The following MTUS1 variants were observed in gnomAD, a reference collection of about 807,000 sequenced individuals.
MTUS1 encodes the protein microtubule associated scaffold protein 1, also known as microtubule-associated tumor suppressor 1.
A neutral mutation model predicts 120.8 loss-of-function variants in MTUS1; 109 were observed. The ratio of observed to expected loss-of-function variants is 0.90; its 90% CI spans 0.77 to 1.06. The LOEUF is 1.06. MTUS1 is among the 50% of genes least tolerant of loss of function. MTUS1 has a pLI of 0.00. For missense variants in MTUS1, 2,210 were observed against 1,486.3 expected, an observed-to-expected ratio of 1.49 and a Z score of -8.01; for synonymous variants, 737 against 550.5, an observed-to-expected ratio of 1.34 and a Z score of -4.74.
At chr8:17,729,668 T>C (rs961850322) in intron 3 of MTUS1, among the ~76,000 whole-genome samples, 2 of 152,204 alleles carry the variant, frequency 1.3e-5, no homozygotes, top group African/African-American at 4.8e-5. Context: ...TTAAATGCTA[T>C]TGCAATCTGA....
At chr8:17,715,634 A>G in intron 5 of MTUS1, 133 bp downstream of exon 5, 4 of 956,086 alleles carry the variant, frequency 4.2e-6, no homozygotes, top group Non-Finnish European at 6.1e-6. Context: ...AAAATGTATT[A>G]TATCTCCTTT....
At chr8:17,675,088 C>A in intron 8 of MTUS1, 98 bp downstream of exon 8, 1 of 1,579,954 alleles carries the variant, frequency 6.3e-7, no homozygotes, top group Non-Finnish European at 8.6e-7. Flanking sequence ...CAACAGCTCC[C>A]AGCATGCAAC....
chr8:17,663,837 CT>C (rs1810316497), intron 8 of MTUS1: 1 of 152,270 alleles, frequency 6.6e-6, no homozygotes, highest in Non-Finnish European at 1.5e-5. Context: ...CTCAAATGAT[CT>C]GCCTGCCTCG....
intron 3 of MTUS1, among the ~76,000 whole-genome samples, chr8:17,742,748 A>G (rs1054551457): frequency 6.6e-6 from 1 of 152,206 alleles, no homozygotes; most frequent in African/African-American, 2.4e-5. Context: ...AAACCTACAA[A>G]TACTAAATTG....
intron 1 of MTUS1, among the ~76,000 whole-genome samples, chr8:17,800,036 C>A (rs2052555231): frequency 6.6e-6 from 1 of 152,148 alleles, no homozygotes; most frequent in South Asian, 2.1e-4. Flanking sequence ...CTGCCCTAAC[C>A]ATCCCTGAAA....
At chr8:17,673,945 C>T (rs966359888) in intron 8 of MTUS1, among the ~76,000 whole-genome samples, 2 of 152,174 alleles carry the variant, frequency 1.3e-5, no homozygotes, top group Non-Finnish European at 2.9e-5. Flanking sequence ...ATTATTCATA[C>T]AACATACCTG....
Position 17,645,742 on chromosome 8 carries a change from G to A in MTUS1, c.*184C>T, listed in dbSNP as rs779504413. ...TTTTGGAGGAATCTTTTGGACGGAGGCAAAAGTCTTCCTCCAGAGTTCCAG... is the reference window on the plus strand; with the variant it reads ...TTTTGGAGGAATCTTTTGGACGGAGACAAAAGTCTTCCTCCAGAGTTCCAG... On this transcript the variant is annotated 3_prime_UTR_variant, in exon 15 of 15. Transcript: ENST00000693296. 3 of 685,712 alleles carry A rather than the reference G, an allele frequency of 4.4e-6. No homozygotes were observed. The highest frequency in any genetic ancestry group is 4.4e-6 in the Non-Finnish European group (2 of 455,036). The allele number at this position is 685,712 out of a possible 1,614,324, so 42.5% of individuals were successfully genotyped here.
chr8:17,659,975 G>C (rs558621951), intron 8 of MTUS1, among the ~76,000 whole-genome samples: 1 of 152,024 alleles, frequency 6.6e-6, no homozygotes, highest in Non-Finnish European at 1.5e-5. Context: ...GACTCAAATA[G>C]TACTTGTCCT....
intron 11 of MTUS1, 36 bp from the exon 12 acceptor site, chr8:17,653,317 A>T (rs1422897323): frequency 6.7e-7 from 1 of 1,485,710 alleles, no homozygotes; most frequent in Admixed American, 2.4e-5. Flanking sequence ...TAAGTTAACA[A>T]GAAAACCCCA....
At chr8:17,683,698 G>C (rs1037556213) in intron 7 of MTUS1, among the ~76,000 whole-genome samples, 1 of 152,166 alleles carries the variant, frequency 6.6e-6, no homozygotes, top group South Asian at 2.1e-4. Flanking sequence ...TGCCCCCTGA[G>C]ATAATTACAG....
rs55901871 is a variant in MTUS1 at position 17,682,517 on chromosome 8, CAAA to C, written c.2838+1808_2838+1810del. Among the ~76,000 whole-genome samples, 724 of 114,926 alleles carry C rather than the reference CAAA, an allele frequency of 6.3e-3. 16 individuals carry two copies. Among genetic ancestry groups the C allele is most frequent in the African/African-American group, 0.023 (621 of 27,016 alleles). The allele number at this position is 114,926 out of a possible 152,430, so 75.4% of individuals were successfully genotyped here. A position where few individuals can be genotyped will look rare whatever the true frequency, so the allele number is the denominator to read the frequency against. ...TGAGTGACAGAGCAAGACTCCATCCCAAAAAAAAAAAAAAAAAAAAAAGTTGCT... is the reference window on the plus strand; with the variant it reads ...TGAGTGACAGAGCAAGACTCCATCCCAAAAAAAAAAAAAAAAAAAGTTGCT... On this transcript the variant is annotated intron_variant, in intron 7 of 14. Coordinates refer to ENST00000693296, the MANE Select transcript of MTUS1 (RefSeq NM_001363059.2).
intron 3 of MTUS1, among the ~76,000 whole-genome samples, chr8:17,743,387 A>G (rs956318672): frequency 2.6e-5 from 4 of 152,158 alleles, no homozygotes; most frequent in African/African-American, 9.7e-5. Context: ...AGCTTATAAG[A>G]TGGTTTATAC....
chr8:17,784,812 G>T (rs7827552), intron 1 of MTUS1, among the ~76,000 whole-genome samples: 122,408 of 150,908 alleles, frequency 0.81, 50,034 homozygotes, highest in Non-Finnish European at 0.85. Flanking sequence ...TGACACAGAG[G>T]CTTGCTCTAT....
At chr8:17,759,818 T>C (rs990498630) in intron 1 of MTUS1, among the ~76,000 whole-genome samples, 7 of 151,728 alleles carry the variant, frequency 4.6e-5, no homozygotes, top group Admixed American at 2.0e-4. Flanking sequence ...ATTTACAAGC[T>C]AGTGGTTTAC....
chr8:17,734,667 T>C (rs898081131), intron 3 of MTUS1, among the ~76,000 whole-genome samples: 3 of 152,154 alleles, frequency 2.0e-5, no homozygotes, highest in African/African-American at 7.2e-5. Flanking sequence ...CAGAGGGGAA[T>C]AAACCAAAGA....
At chr8:17,646,919 A>G (rs1489402998) in intron 14 of MTUS1, 63 bp downstream of exon 14, 3 of 1,236,968 alleles carry the variant, frequency 2.4e-6, no homozygotes, top group Non-Finnish European at 3.6e-6. Flanking sequence ...GCGTGTCCAG[A>G]AAGTACACTG....
intron 3 of MTUS1, among the ~76,000 whole-genome samples, chr8:17,740,559 GGC>G (rs2047242431): frequency 6.6e-6 from 1 of 152,152 alleles, no homozygotes; most frequent in Non-Finnish European, 1.5e-5. Context: ...TTAACTCTGT[GGC>G]GATTAAGAAA....
At chr8:17,670,805 G>C (rs931815161) in intron 8 of MTUS1, among the ~76,000 whole-genome samples, 1 of 150,268 alleles carries the variant, frequency 6.7e-6, no homozygotes, top group Non-Finnish European at 1.5e-5. Flanking sequence ...CCTGGCAACA[G>C]AGCAAGACCC....
Position 17,645,034 on chromosome 8 carries a change from C to A in MTUS1, c.*892G>T, listed in dbSNP as rs938558470. ...AATAAGGTGGAAAAACCCATTGGTA[C>A]TTCCCTTTTTCTTTCTTTACACAGT... On this transcript the variant is annotated 3_prime_UTR_variant, in exon 15 of 15. Coordinates refer to ENST00000693296, the MANE Select transcript of MTUS1 (RefSeq NM_001363059.2). The A allele has an allele frequency of 7.1e-6, 1 of 140,910 alleles. No homozygotes were observed. Among genetic ancestry groups the A allele is most frequent in the Non-Finnish European group, 1.5e-5 (1 of 65,320 alleles). 8.7% of individuals were successfully genotyped at this position (140,910 alleles called of 1,614,324 possible).
Sources: allele counts gnomAD v4.1 joint callset (sites outside exome capture counted in the v4.1 genomes callset), GRCh38; gene constraint gnomAD v4.1.1; transcripts MANE v1.5; gene names NCBI Gene and HGNC (gene_info 2026-07-23, HGNC 2026-07-21).